CTNND2: variants seen among roughly 807,000 people sequenced by gnomAD.
CTNND2 encodes the protein catenin delta-2.
In CTNND2, 22 loss-of-function variants were observed where a neutral mutation model predicts 144.4. The observed-to-expected ratio is 0.15, with a 90% CI of 0.11 to 0.22. The LOEUF (loss-of-function observed/expected upper bound fraction) is 0.22, where lower values mean the gene tolerates loss of function less well. Among genes scored for constraint, CTNND2 ranks in the 10% least tolerant of loss-of-function variants. The pLI, the probability that CTNND2 is intolerant of heterozygous loss-of-function variation, is 1.00. For missense variants in CTNND2, 1,353 were observed against 1,618.8 expected (o/e 0.84, Z 2.82); for synonymous variants, 751 against 695.6 (o/e 1.08, Z -1.25).
chr5:11,564,714 A>G (rs556252767), intron 3 of CTNND2, among the ~76,000 whole-genome samples: 9 of 152,288 alleles, frequency 5.9e-5, no homozygotes, highest in African/African-American at 1.9e-4. Context: ...GTGTAAAATT[A>G]CGTATAATTT....
At chr5:11,612,566 G>A (rs1780383629) in intron 2 of CTNND2, among the ~76,000 whole-genome samples, 1 of 152,066 alleles carries the variant, frequency 6.6e-6, no homozygotes, top group Non-Finnish European at 1.5e-5. Flanking sequence ...GCATTAAAAA[G>A]GTATATTGCT....
intron 9 of CTNND2, among the ~76,000 whole-genome samples, chr5:11,304,079 G>C (rs560966276): frequency 6.6e-6 from 1 of 152,162 alleles, no homozygotes; most frequent in South Asian, 2.1e-4. Flanking sequence ...ACGTGGAACT[G>C]TGAGTCCATT....
At chr5:11,297,155 T>C (rs1749111477) in intron 9 of CTNND2, among the ~76,000 whole-genome samples, 1 of 152,148 alleles carries the variant, frequency 6.6e-6, no homozygotes, top group Admixed American at 6.5e-5. Flanking sequence ...AAAGACAAAT[T>C]TACAACATTC....
At chr5:11,720,741 T>C (rs1231686643) in intron 2 of CTNND2, among the ~76,000 whole-genome samples, 1 of 152,250 alleles carries the variant, frequency 6.6e-6, no homozygotes, top group African/African-American at 2.4e-5. Context: ...GTGTTGTTGG[T>C]CTGCCATGGA....
chr5:11,773,372 A>G lies in CTNND2; in HGVS notation c.38-41100T>C, dbSNP rs143835899. Among the ~76,000 whole-genome samples the G allele has an allele frequency of 4.0e-3, 607 of 152,362 alleles. 4 individuals are homozygous for G. Among genetic ancestry groups the G allele is most frequent in the Middle Eastern group, 0.014 (4 of 294 alleles). On this transcript the variant is annotated intron_variant, in intron 1 of 21. Coordinates refer to ENST00000304623, the MANE Select transcript of CTNND2 (RefSeq NM_001332.4). Reference sequence around the variant, plus strand: ...ATTGCTGAAAACACTTAATTATTTAATAAGTACAATAGTCAAATGAGTTGG... The same window carrying G: ...ATTGCTGAAAACACTTAATTATTTAGTAAGTACAATAGTCAAATGAGTTGG...
intron 9 of CTNND2, among the ~76,000 whole-genome samples, chr5:11,344,440 G>A (rs916187580): frequency 1.3e-5 from 2 of 151,136 alleles, no homozygotes; most frequent in Non-Finnish European, 2.9e-5. Flanking sequence ...AAGAAAACCC[G>A]ACAAGAAAGG....
intron 1 of CTNND2, among the ~76,000 whole-genome samples, chr5:11,862,024 T>G (rs912016051): frequency 1.1e-4 from 17 of 152,230 alleles, no homozygotes; most frequent in African/African-American, 3.9e-4. Context: ...CCAATCCCTC[T>G]AAACTTGCTC....
At chr5:11,196,526 G>C (rs1173374552) in intron 11 of CTNND2, among the ~76,000 whole-genome samples, 1 of 152,184 alleles carries the variant, frequency 6.6e-6, no homozygotes, top group Non-Finnish European at 1.5e-5. Flanking sequence ...AAGGGGTATA[G>C]TTCTTACACT....
intron 12 of CTNND2, among the ~76,000 whole-genome samples, chr5:11,142,683 G>C (rs559133986): frequency 6.8e-6 from 1 of 146,978 alleles, no homozygotes; most frequent in African/African-American, 2.5e-5. Flanking sequence ...GCGCGATCTC[G>C]ACTCACTGCA....
intron 10 of CTNND2, among the ~76,000 whole-genome samples, chr5:11,204,901 T>C (rs1024961110): frequency 5.3e-5 from 8 of 152,124 alleles, no homozygotes; most frequent in Non-Finnish European, 8.8e-5. Context: ...CAACAGAAGA[T>C]ATCGCTCACC....
At chr5:11,277,271 T>A (rs887755688) in intron 9 of CTNND2, among the ~76,000 whole-genome samples, 4 of 152,014 alleles carry the variant, frequency 2.6e-5, no homozygotes, top group Non-Finnish European at 4.4e-5. Context: ...TTTGAAACTC[T>A]CCCTTTTACT....
chr5:11,522,285 A>G (rs28016), intron 3 of CTNND2, among the ~76,000 whole-genome samples: 97,317 of 152,150 alleles, frequency 0.64, 32,642 homozygotes, highest in African/African-American at 0.84. Flanking sequence ...AGTAGAAAGG[A>G]CCCTGGGCTG....
chr5:11,767,962 C>A (rs1789693869), intron 1 of CTNND2, among the ~76,000 whole-genome samples: 1 of 152,098 alleles, frequency 6.6e-6, no homozygotes, highest in African/African-American at 2.4e-5. Flanking sequence ...AATAATGTAT[C>A]ACTAAATTCT....
intron 1 of CTNND2, among the ~76,000 whole-genome samples, chr5:11,870,274 G>A (rs4702837): frequency 0.22 from 33,290 of 152,030 alleles, 3,958 homozygotes; most frequent in Non-Finnish European, 0.27. Flanking sequence ...TTCTGCAGGC[G>A]TCTAGCAGAG....
chr5:11,386,338 A>T (rs1759088992), intron 6 of CTNND2, among the ~76,000 whole-genome samples: 1 of 152,256 alleles, frequency 6.6e-6, no homozygotes, highest in Admixed American at 6.5e-5. Context: ...AGGACTCCAG[A>T]GAGATCGAGG....
chr5:11,653,756 T>C (rs1260168603), intron 2 of CTNND2, among the ~76,000 whole-genome samples: 2 of 146,996 alleles, frequency 1.4e-5, no homozygotes, highest in South Asian at 2.2e-4. Flanking sequence ...GCTTGTTTGG[T>C]TTTTTTTTTT....
At chr5:11,254,809 T>C (rs891850972) in intron 9 of CTNND2, among the ~76,000 whole-genome samples, 2 of 152,188 alleles carry the variant, frequency 1.3e-5, no homozygotes, top group African/African-American at 4.8e-5. Flanking sequence ...AACTAAGAAT[T>C]ATCTGGCCCA....
chr5:11,800,395 T>C lies in CTNND2; in HGVS notation c.38-68123A>G, dbSNP rs115987086. ...TGGAAACACACCTTTCAAAATTCAA[T>C]ATAGATAGGATCTACTCAGGATTGT... On this transcript the variant is annotated intron_variant, in intron 1 of 21. Transcript: ENST00000304623. Among the ~76,000 whole-genome samples, 814 of 152,258 alleles carry C rather than the reference T, an allele frequency of 5.3e-3. 5 individuals are homozygous for C. The highest frequency in any genetic ancestry group is 0.014 in the Middle Eastern group (4 of 294).
At chr5:11,584,173 G>C (rs1990267) in intron 2 of CTNND2, among the ~76,000 whole-genome samples, 15,543 of 152,176 alleles carry the variant, frequency 0.1, 1,009 homozygotes, top group East Asian at 0.34. Context: ...AATGAACTGA[G>C]GCAGATAAAA....
Sources: gnomAD v4.1 joint callset for allele counts (sites outside exome capture counted in the v4.1 genomes callset) on GRCh38, gnomAD v4.1.1 for gene constraint, MANE v1.5 for transcripts, NCBI Gene and HGNC (gene_info 2026-07-23, HGNC 2026-07-21) for gene names.